The following OPALIN variants were observed in gnomAD, a reference collection of about 807,000 sequenced individuals.
OPALIN encodes the protein transmembrane protein 10.
In OPALIN, 15 loss-of-function variants were observed where a neutral mutation model predicts 17.8. That is an observed-to-expected ratio of 0.84 (90% CI 0.56 to 1.29). The LOEUF is 1.29. Among genes scored for constraint, OPALIN ranks in the 50% most tolerant of loss-of-function variants. The probability of loss-of-function intolerance (pLI) is 0.00; values close to 1 mark genes in which losing one functional copy is unlikely to be tolerated. For synonymous variants in OPALIN, 62 were observed against 63.8 expected, an observed-to-expected ratio of 0.97 and a Z score of 0.14; for missense variants, 170 against 176.0, an observed-to-expected ratio of 0.97 and a Z score of 0.19.
In OPALIN at chr10:96,345,635, C is replaced by T. The variant is rs1845280464; in HGVS notation, c.*306G>A. On this transcript the variant is annotated 3_prime_UTR_variant, in exon 6 of 6. Coordinates refer to ENST00000371172, the MANE Select transcript of OPALIN (RefSeq NM_033207.5). ...AAAAAAAAGATGAGAAGGCAAGACA[C>T]TCAGAAACCAAGCCCCTTTCCCAAA... The T allele has an allele frequency of 3.4e-6, 1 of 291,366 alleles. No individual in the cohort carries two copies. The highest frequency in any genetic ancestry group is 1.5e-4 in the South Asian group (1 of 6,880). 18.0% of individuals were successfully genotyped at this position (291,366 alleles called of 1,614,324 possible).
Position 96,357,526 on chromosome 10 carries a change from T to A in OPALIN, c.3+1368A>T, listed in dbSNP as rs138823147. On this transcript the variant is annotated intron_variant, in intron 1 of 5. Transcript: ENST00000371172. ...TTAGCCACTTAGGAGCTGTGTAGTC[T>A]TGGATAAGTCACTCAAACCCTCTGG... Among the ~76,000 whole-genome samples the A allele has an allele frequency of 3.2e-3, 484 of 152,166 alleles. 3 individuals carry two copies. Among genetic ancestry groups the A allele is most frequent in the Non-Finnish European group, 5.5e-3 (374 of 67,972 alleles).
intron 1 of OPALIN, among the ~76,000 whole-genome samples, chr10:96,358,186 T>TAAAAAAAAAAAAAAAAAAAA (rs61616596): frequency 1.6e-5 from 1 of 61,590 alleles, no homozygotes; most frequent in African/African-American, 5.1e-5. Flanking sequence ...ATGCTTTTTG[T>TAAAAAAAAAAAAAAAAAAAA]AAAAAAAAAA....
At chr10:96,355,413 C>A in intron 1 of OPALIN, 123 bp from the exon 2 acceptor site, 2 of 793,296 alleles carry the variant, frequency 2.5e-6, no homozygotes, top group Non-Finnish European at 2.1e-6. Flanking sequence ...CTCAGCCAGC[C>A]CCCATCGTCC....
rs111271391 is a variant in OPALIN, at chr10:96,355,527, C to T, written c.4-237G>A. On this transcript the variant is annotated intron_variant, in intron 1 of 5. Coordinates refer to ENST00000371172, the MANE Select transcript of OPALIN (RefSeq NM_033207.5). ...TTGCCACCGCCCCCAACCAGGTCCT[C>T]GACCAGGATCAGATGAAGAGGCAGC... Among the ~76,000 whole-genome samples the T allele has an allele frequency of 4.1e-3, 628 of 152,272 alleles. 7 individuals carry two copies. The highest frequency in any genetic ancestry group is 0.024 in the Middle Eastern group (7 of 294).
At position 96,343,683 on chromosome 10, in the gene OPALIN, T is replaced by C. The variant is rs1845189200; in HGVS notation, c.*2258A>G. 1 of 152,220 alleles carries C rather than the reference T, an allele frequency of 6.6e-6. No homozygotes were observed. Among genetic ancestry groups the C allele is most frequent in the African/African-American group, 2.4e-5 (1 of 41,452 alleles). 9.4% of individuals were successfully genotyped at this position (152,220 alleles called of 1,614,324 possible). A position where few individuals can be genotyped will look rare whatever the true frequency, so the allele number is the denominator to read the frequency against. ...ATGTCTGTTTAAAAATGGCTAAATC[T>C]GCTTGTTTAAGGTAATTAGATCCAG... On this transcript the variant is annotated 3_prime_UTR_variant, in exon 6 of 6. Coordinates refer to ENST00000371172, the MANE Select transcript of OPALIN (RefSeq NM_033207.5).
Position 96,344,184 on chromosome 10 carries a change from A to C in OPALIN, c.*1757T>G, listed in dbSNP as rs1336476760. On this transcript the variant is annotated 3_prime_UTR_variant, in exon 6 of 6. Transcript: ENST00000371172. ...CTCCAAGTAGACTTGGTTCTACTCC[A>C]CAGAGTAGATACAGCCCTCATTTCT... 1 of 152,194 alleles carries C rather than the reference A, an allele frequency of 6.6e-6. No individual in the cohort carries two copies. Among genetic ancestry groups the C allele is most frequent in the Non-Finnish European group, 1.5e-5 (1 of 68,068 alleles). 9.4% of individuals were successfully genotyped at this position (152,194 alleles called of 1,614,324 possible).
chr10:96,349,943 A>G, intron 3 of OPALIN, 117 bp from the exon 4 acceptor site: 1 of 1,135,774 alleles, frequency 8.8e-7, no homozygotes, highest in East Asian at 2.6e-5. Context: ...AACGTCATAT[A>G]CAAAATCAAA....
In OPALIN at chr10:96,349,846, A is replaced by G. The variant is rs1369038079; in HGVS notation, c.73-20T>C. On this transcript the variant is annotated intron_variant, in intron 3 of 5. Transcript: ENST00000371172. ...ACAGTCCTGGCACAGAATGAAAAAC[A>G]CAGGGTCAGAGGAAGCCCAGAGTCT... 1 of 1,605,842 alleles carries G rather than the reference A, an allele frequency of 6.2e-7. No individual in the cohort carries two copies. Among genetic ancestry groups the G allele is most frequent in the African/African-American group, 1.3e-5 (1 of 74,606 alleles).
At chr10:96,355,871 C>T (rs1446000069) in intron 1 of OPALIN, among the ~76,000 whole-genome samples, 2 of 152,144 alleles carry the variant, frequency 1.3e-5, no homozygotes, top group Non-Finnish European at 2.9e-5. Flanking sequence ...TCTTTCCTCC[C>T]CTCACTTAGT....
At chr10:96,354,913 T>C (rs909324168) in intron 2 of OPALIN, among the ~76,000 whole-genome samples, 8 of 149,996 alleles carry the variant, frequency 5.3e-5, no homozygotes, top group African/African-American at 1.5e-4. Flanking sequence ...CTGGCCAACA[T>C]GGCAAAACCC....
chr10:96,351,582 T>C (rs1845584015), intron 2 of OPALIN, among the ~76,000 whole-genome samples, 172 bp from the exon 3 acceptor site: 1 of 152,134 alleles, frequency 6.6e-6, no homozygotes, highest in Non-Finnish European at 1.5e-5. Flanking sequence ...CAGGTAAGAA[T>C]TGGAATAAAA....
At chr10:96,347,062 T>TTTTC (rs1485318968) in intron 5 of OPALIN, among the ~76,000 whole-genome samples, 28 of 152,158 alleles carry the variant, frequency 1.8e-4, no homozygotes, top group African/African-American at 5.5e-4. Flanking sequence ...TTAGCTTTTC[T>TTTTC]TTTCTTTCTT....
chr10:96,352,681 TAAAAA>T (rs72007324), intron 2 of OPALIN, among the ~76,000 whole-genome samples: 1 of 96,780 alleles, frequency 1.0e-5, no homozygotes. Flanking sequence ...TGGCTTTCAC[TAAAAA>T]AAAAAAAAAA....
intron 5 of OPALIN, 71 bp downstream of exon 5, chr10:96,348,218 G>T: frequency 1.4e-6 from 1 of 725,408 alleles, no homozygotes; most frequent in Non-Finnish European, 2.3e-6. Flanking sequence ...TTCTTTTGGT[G>T]AAAGGCTTTC....
chr10:96,351,439 A>G (rs1171597936), intron 2 of OPALIN, 29 bp from the exon 3 acceptor site: 1 of 1,458,530 alleles, frequency 6.9e-7, no homozygotes, highest in Non-Finnish European at 9.3e-7. Flanking sequence ...TATATTGTAA[A>G]AGAACAAAAA....
Position 96,348,353 on chromosome 10 carries a change from G to A in OPALIN, c.193-8C>T. 7.2e-7 allele frequency: 1 copy of A among 1,384,912 alleles called. No homozygotes were observed. The allele number at this position is 1,384,912 out of a possible 1,614,324, so 85.8% of individuals were successfully genotyped here. A position where few individuals can be genotyped will look rare whatever the true frequency, so the allele number is the denominator to read the frequency against. On this transcript the variant is annotated splice_polypyrimidine_tract_variant and splice_region_variant and intron_variant, in intron 4 of 5. Coordinates refer to ENST00000371172, the MANE Select transcript of OPALIN (RefSeq NM_033207.5). ...ACATGGTCTGTCACTTTCCTAAATT[G>A]GAAAAAATATAATAATAAAAGAAAG...
At chr10:96,355,379 C>A in intron 1 of OPALIN, 89 bp from the exon 2 acceptor site, 1 of 1,223,588 alleles carries the variant, frequency 8.2e-7, no homozygotes. Flanking sequence ...CTGGTGGATT[C>A]CGAGAGGTCA....
At position 96,345,396 on chromosome 10, in the gene OPALIN, C is replaced by A. The variant is rs1392811410; in HGVS notation, c.*545G>T. 2 of 152,358 alleles carry A rather than the reference C, an allele frequency of 1.3e-5. No individual in the cohort carries two copies. Among genetic ancestry groups the A allele is most frequent in the Non-Finnish European group, 2.9e-5 (2 of 68,176 alleles). 9.4% of individuals were successfully genotyped at this position (152,358 alleles called of 1,614,324 possible). On this transcript the variant is annotated 3_prime_UTR_variant, in exon 6 of 6. Transcript: ENST00000371172. ...GACTTAAGAGTCCGTATTCTTTCCA[C>A]TGCTGTGTGACATGATTGAGCCAGG...
At position 96,352,608 on chromosome 10, in the gene OPALIN, G is replaced by A. The variant is rs9971056; in HGVS notation, c.40-1198C>T. 8.3e-3 allele frequency among the ~76,000 whole-genome samples: 1,253 copies of A among 150,700 alleles called. 8 individuals are homozygous for A. The highest frequency in any genetic ancestry group is 0.027 in the African/African-American group (1,129 of 41,066). ...CCCTAAGGTGCTCTAAGGGTAGTAG[G>A]AAGAATCAGCCATTGTTTCAGGTAA... On this transcript the variant is annotated intron_variant, in intron 2 of 5. Coordinates refer to ENST00000371172, the MANE Select transcript of OPALIN (RefSeq NM_033207.5).
Sources: gnomAD v4.1 joint callset for allele counts (sites outside exome capture counted in the v4.1 genomes callset) on GRCh38, gnomAD v4.1.1 for gene constraint, MANE v1.5 for transcripts, NCBI Gene and HGNC (gene_info 2026-07-23, HGNC 2026-07-21) for gene names.